The following DAPK2 variants were observed in gnomAD, a reference collection of about 807,000 sequenced individuals.
DAPK2 encodes death associated protein kinase 2.
Under a neutral mutation model 44.1 loss-of-function variants are expected in DAPK2, and 35 were observed. The ratio of observed to expected loss-of-function variants is 0.79; its 90% CI spans 0.61 to 1.05. The LOEUF (loss-of-function observed/expected upper bound fraction) is 1.05. Ranked by LOEUF, DAPK2 falls within the 50% of genes least tolerant of loss-of-function variation. The pLI, the probability that DAPK2 is intolerant of heterozygous loss-of-function variation, is 0.00. For missense variants in DAPK2, 453 were observed against 483.2 expected (o/e 0.94, Z 0.59); for synonymous variants, 174 against 182.6 (o/e 0.95, Z 0.38).
At chr15:64,018,949 C>T (rs929176637) in intron 1 of DAPK2, among the ~76,000 whole-genome samples, 3 of 152,210 alleles carry the variant, frequency 2.0e-5, no homozygotes, top group Admixed American at 6.5e-5. Context: ...CTTCTCCTGG[C>T]CTTGGTTTCC....
chr15:63,963,370 C>T (rs113686471), intron 3 of DAPK2, among the ~76,000 whole-genome samples: 4,154 of 152,330 alleles, frequency 0.027, 199 homozygotes, highest in African/African-American at 0.091. Flanking sequence ...GAGAGGAACC[C>T]GGTACCTCAG....
intron 3 of DAPK2, among the ~76,000 whole-genome samples, chr15:63,945,198 C>T (rs1186908839): frequency 1.3e-5 from 2 of 152,154 alleles, no homozygotes; most frequent in Non-Finnish European, 2.9e-5. Flanking sequence ...GAGCTTCCCC[C>T]AACCCTGTGC....
intron 6 of DAPK2, among the ~76,000 whole-genome samples, chr15:63,929,201 A>G (rs79545628): frequency 3.7e-5 from 5 of 133,872 alleles, no homozygotes; most frequent in Admixed American, 3.6e-4. Context: ...TCTGTCTCAA[A>G]AAAAAAAAAA....
At chr15:63,963,376 C>T (rs2077966103) in intron 3 of DAPK2, among the ~76,000 whole-genome samples, 1 of 152,242 alleles carries the variant, frequency 6.6e-6, no homozygotes, top group African/African-American at 2.4e-5. Flanking sequence ...AACCCGGTAC[C>T]TCAGTTGGAA....
At chr15:63,998,186 A>G (rs55963180) in intron 1 of DAPK2, among the ~76,000 whole-genome samples, 36,855 of 152,112 alleles carry the variant, frequency 0.24, 4,562 homozygotes, top group African/African-American at 0.3. Context: ...GAGTGTCATG[A>G]GTCAGAGCAG....
At chr15:64,031,771 C>A (rs1433826537) in intron 1 of DAPK2, among the ~76,000 whole-genome samples, 1 of 152,174 alleles carries the variant, frequency 6.6e-6, no homozygotes, top group Non-Finnish European at 1.5e-5. Flanking sequence ...TTTCTTGAAC[C>A]AGTTACCTAA....
intron 1 of DAPK2, among the ~76,000 whole-genome samples, chr15:64,004,692 G>A (rs574971734): frequency 2.6e-4 from 40 of 152,178 alleles, no homozygotes; most frequent in Non-Finnish European, 4.9e-4. Flanking sequence ...TAATTCCACA[G>A]TGGGCCCCTT....
exon 7 of DAPK2, chr15:63,925,946 C>A (rs2079245669): frequency 6.2e-7 from 1 of 1,614,154 alleles, no homozygotes. Context: ...CTTACCGGGT[C>A]TCTTTAACCA....
At chr15:63,956,224 C>G (rs1296738897) in intron 3 of DAPK2, among the ~76,000 whole-genome samples, 4 of 151,902 alleles carry the variant, frequency 2.6e-5, no homozygotes, top group Non-Finnish European at 5.9e-5. Context: ...TTGATTTTAC[C>G]TTTTCAAAAA....
At chr15:63,981,044 C>G (rs773641860) in intron 2 of DAPK2, among the ~76,000 whole-genome samples, 1 of 148,812 alleles carries the variant, frequency 6.7e-6, no homozygotes, top group Non-Finnish European at 1.5e-5. Flanking sequence ...GAGCCAGGAT[C>G]GCGTCATTGC....
chr15:64,027,649 G>A (rs1449903215), intron 1 of DAPK2, among the ~76,000 whole-genome samples: 1 of 152,192 alleles, frequency 6.6e-6, no homozygotes, highest in Non-Finnish European at 1.5e-5. Context: ...AAATTAAGGG[G>A]AAAGTACAGA....
rs1294856784 is a variant in DAPK2 at position 63,939,125 on chromosome 15, A to G, written c.583+107T>C. The G allele has an allele frequency of 6.6e-7, 1 of 1,519,742 alleles. No homozygotes were observed. The highest frequency in any genetic ancestry group is 1.4e-5 in the African/African-American group (1 of 71,846). The allele number at this position is 1,519,742 out of a possible 1,614,324, so 94.1% of individuals were successfully genotyped here. A position where few individuals can be genotyped will look rare whatever the true frequency, so the allele number is the denominator to read the frequency against. On this transcript the variant is annotated intron_variant, in intron 4 of 10. Coordinates refer to ENST00000261891, the Ensembl canonical transcript of DAPK2. This position sits in a 1 kb window ranked among gnomAD's most constrained non-coding sequence, Gnocchi z 4.3. ...TAGGTTTCTAGAGATGTCCCAATGC[A>G]TCATCTCTTTGCTCAGAGGCCATAG...
At chr15:63,911,226 C>CAAAAAAAAAAAAAAAAA (rs33985538) in intron 10 of DAPK2, 1 of 131,046 alleles carries the variant, frequency 7.6e-6, no homozygotes. Flanking sequence ...TCTAAACAAA[C>CAAAAAAAAAAAAAAAAA]AAAAAAAAAA....
intron 1 of DAPK2, among the ~76,000 whole-genome samples, chr15:64,029,591 TAAG>T (rs896804159): frequency 6.6e-6 from 1 of 152,192 alleles, no homozygotes; most frequent in African/African-American, 2.4e-5. Flanking sequence ...TTTCATTTGC[TAAG>T]GAGGAGAGTA....
Position 64,040,102 on chromosome 15 carries a change from C to T in DAPK2, c.92+68G>A, listed in dbSNP as rs1025550972. On this transcript the variant is annotated intron_variant, in intron 1 of 10. Coordinates refer to ENST00000261891, the Ensembl canonical transcript of DAPK2. The stretch of plus-strand genomic sequence containing the variant: ...GGCCCTGCCTTCCAACACCAACTGA[C>T]AACTGTGCCAGAAGAAGCATGACTT... 13 of 1,285,840 alleles carry T rather than the reference C, an allele frequency of 1.0e-5. No individual in the cohort carries two copies. In the African/African-American group the frequency reaches 1.9e-4, roughly 19 times the overall value. 79.7% of individuals were successfully genotyped at this position (1,285,840 alleles called of 1,614,324 possible).
rs569978320 is a variant in DAPK2, at chr15:63,940,243, C to T, written c.454-882G>A. 6.6e-5 allele frequency among the ~76,000 whole-genome samples: 10 copies of T among 152,298 alleles called. No individual in the cohort carries two copies. The East Asian group carries it at 1.9e-3, about 29-fold the overall frequency. ...CTAAAGGAAATGTCCTGAAAACACACATCCACACAAAATATGTATACAAAT... is the reference window on the plus strand; with the variant it reads ...CTAAAGGAAATGTCCTGAAAACACATATCCACACAAAATATGTATACAAAT... On this transcript the variant is annotated intron_variant, in intron 3 of 10. Transcript: ENST00000261891.
In DAPK2 at chr15:63,917,784, G is replaced by A. The variant is rs1567200092; in HGVS notation, c.859-5587C>T. 1 of 152,186 alleles carries A rather than the reference G, an allele frequency of 6.6e-6. No homozygotes were observed. 9.4% of individuals were successfully genotyped at this position (152,186 alleles called of 1,614,324 possible). A position where few individuals can be genotyped will look rare whatever the true frequency, so the allele number is the denominator to read the frequency against. On this transcript the variant is annotated intron_variant, in intron 8 of 10. Coordinates refer to ENST00000261891, the Ensembl canonical transcript of DAPK2. This position sits in a 1 kb window ranked among gnomAD's most constrained non-coding sequence, Gnocchi z 4.4. ...GGAGTGGAGGAGGGCGGTCACTGGT[G>A]GGGACGGCGTCCCTGGGAAGGCCTC... is the stretch of plus-strand genomic sequence containing the variant.
intron 4 of DAPK2, among the ~76,000 whole-genome samples, chr15:63,937,352 T>C (rs1419500578): frequency 1.3e-5 from 2 of 152,218 alleles, no homozygotes; most frequent in Non-Finnish European, 2.9e-5. Flanking sequence ...GAATTTTTTT[T>C]TGAGACCTGG....
In DAPK2 at chr15:64,046,042, C is replaced by T. The variant is rs1013009052; in HGVS notation, c.-7+256G>A. On this transcript the variant is annotated intron_variant, in intron 1 of 11. Coordinates refer to the DAPK2 transcript ENST00000457488. The surrounding 1 kb of genome is among the most constrained non-coding windows in gnomAD (Gnocchi z 5.3). Reference sequence around the variant, plus strand: ...TCCCTGCTGGGTGCTTGGCTCTGCCCGCCGCCTCTACCCTGTCTCCCAGGT... The same window carrying T: ...TCCCTGCTGGGTGCTTGGCTCTGCCTGCCGCCTCTACCCTGTCTCCCAGGT... Among the ~76,000 whole-genome samples, 6 of 152,202 alleles carry T rather than the reference C, an allele frequency of 3.9e-5. No homozygotes were observed. Among genetic ancestry groups the T allele is most frequent in the South Asian group, 2.1e-4 (1 of 4,836 alleles).
Sources: allele counts gnomAD v4.1 joint callset (sites outside exome capture counted in the v4.1 genomes callset), GRCh38; gene constraint gnomAD v4.1.1; non-coding constraint Gnocchi (gnomAD v3.1); transcripts MANE v1.5; gene names NCBI Gene and HGNC (gene_info 2026-07-23, HGNC 2026-07-21).